The following THSD7A variants were observed in gnomAD, a reference collection of about 807,000 sequenced individuals.
THSD7A encodes the protein thrombospondin type 1 domain containing 7A, also known as thrombospondin type-1 domain-containing protein 7A.
In THSD7A, 96 loss-of-function variants were observed where a neutral mutation model predicts 231.3. That is an observed-to-expected ratio of 0.41 (90% CI 0.35 to 0.49). The LOEUF (loss-of-function observed/expected upper bound fraction) is 0.49, where lower values mean the gene tolerates loss of function less well. Among genes scored for constraint, THSD7A ranks in the 20% least tolerant of loss-of-function variants. The probability of loss-of-function intolerance (pLI) is 0.05; values close to 1 mark genes in which losing one functional copy is unlikely to be tolerated. For synonymous variants in THSD7A, 940 were observed against 743.3 expected (o/e 1.26, Z -4.30); for missense variants, 2,290 against 2,070.2 (o/e 1.11, Z -2.06).
intron 15 of THSD7A, 135 bp from the exon 16 acceptor site, chr7:11,424,964 T>C (rs1784271346): frequency 1.8e-6 from 2 of 1,094,990 alleles, no homozygotes; most frequent in East Asian, 2.6e-5. Flanking sequence ...TATTCTAACA[T>C]TGCAATAGAG....
intron 7 of THSD7A, among the ~76,000 whole-genome samples, chr7:11,478,019 A>G (rs1786265919): frequency 1.3e-5 from 2 of 152,196 alleles, no homozygotes; most frequent in Non-Finnish European, 2.9e-5. Flanking sequence ...AGAGTGTACT[A>G]GTTTTCTTTC....
chr7:11,452,688 C>A (rs1785183399), intron 11 of THSD7A, among the ~76,000 whole-genome samples: 1 of 151,836 alleles, frequency 6.6e-6, no homozygotes, highest in Non-Finnish European at 1.5e-5. Flanking sequence ...AATCACAGAC[C>A]CAGCACGGTG....
At chr7:11,518,518 A>T (rs1432583929) in intron 6 of THSD7A, among the ~76,000 whole-genome samples, 2 of 152,154 alleles carry the variant, frequency 1.3e-5, no homozygotes, top group South Asian at 4.1e-4. Context: ...CAGTGGATAC[A>T]TGTAGTAAAC....
chr7:11,744,793 A>G (rs2128162303), intron 1 of THSD7A, among the ~76,000 whole-genome samples: 1 of 152,184 alleles, frequency 6.6e-6, no homozygotes, highest in Middle Eastern at 3.4e-3. Context: ...ATGGCTGCAT[A>G]GTATTCCATG....
chr7:11,482,333 CTCTT>C (rs531109566), intron 6 of THSD7A, among the ~76,000 whole-genome samples: 97 of 152,270 alleles, frequency 6.4e-4, no homozygotes, highest in Middle Eastern at 3.4e-3. Flanking sequence ...AGCATGTCCC[CTCTT>C]TCTTTTTTGG....
At chr7:11,784,932 C>T (rs893492761) in intron 1 of THSD7A, among the ~76,000 whole-genome samples, 4 of 152,086 alleles carry the variant, frequency 2.6e-5, no homozygotes, top group Admixed American at 2.0e-4. Flanking sequence ...TAATTTATCA[C>T]CTTAGATAGG....
chr7:11,389,282 A>C (rs1032840561), intron 23 of THSD7A, among the ~76,000 whole-genome samples: 1 of 152,058 alleles, frequency 6.6e-6, no homozygotes, highest in Non-Finnish European at 1.5e-5. Context: ...GCGCTCCTGC[A>C]TTGGGTGCAT....
At chr7:11,713,777 T>C (rs1781042376) in intron 1 of THSD7A, among the ~76,000 whole-genome samples, 1 of 151,254 alleles carries the variant, frequency 6.6e-6, no homozygotes, top group African/African-American at 2.4e-5. Flanking sequence ...CTAGATGTTC[T>C]CTTGTCACTT....
intron 2 of THSD7A, among the ~76,000 whole-genome samples, chr7:11,604,884 G>A (rs530584256): frequency 6.6e-6 from 1 of 152,210 alleles, no homozygotes; most frequent in East Asian, 1.9e-4. Context: ...TGGCATATAT[G>A]CTTCTTAGAA....
At chr7:11,571,950 T>C (rs558477312) in intron 4 of THSD7A, among the ~76,000 whole-genome samples, 22 of 152,296 alleles carry the variant, frequency 1.4e-4, no homozygotes, top group Non-Finnish European at 2.4e-4. Flanking sequence ...TTTTTTTAAC[T>C]GAATTTGAGA....
At chr7:11,494,451 G>A (rs1190172509) in intron 6 of THSD7A, among the ~76,000 whole-genome samples, 1 of 151,922 alleles carries the variant, frequency 6.6e-6, no homozygotes, top group Non-Finnish European at 1.5e-5. Context: ...ATCAGCCTAT[G>A]ACTAAAGTTC....
At chr7:11,723,592 G>A (rs1781438008) in intron 1 of THSD7A, among the ~76,000 whole-genome samples, 4 of 151,902 alleles carry the variant, frequency 2.6e-5, no homozygotes, top group African/African-American at 9.7e-5. Flanking sequence ...TTCATATTAT[G>A]TATTTGTTGG....
intron 1 of THSD7A, among the ~76,000 whole-genome samples, chr7:11,707,068 T>C (rs1443943890): frequency 6.6e-6 from 1 of 150,828 alleles, no homozygotes; most frequent in African/African-American, 2.4e-5. Context: ...GGAATGAGTT[T>C]CCAAAATGAT....
intron 9 of THSD7A, among the ~76,000 whole-genome samples, chr7:11,466,535 T>C (rs922605649): frequency 3.9e-5 from 6 of 152,110 alleles, no homozygotes; most frequent in African/African-American, 1.4e-4. Context: ...CTTCTATCAC[T>C]CTCCAGTCTT....
chr7:11,390,898 C>T (rs1782954804), intron 23 of THSD7A, among the ~76,000 whole-genome samples: 1 of 152,218 alleles, frequency 6.6e-6, no homozygotes, highest in Non-Finnish European at 1.5e-5. Context: ...ACTCCAGACC[C>T]TATTTGCCTG....
At chr7:11,569,064 A>T (rs1790509355) in intron 4 of THSD7A, among the ~76,000 whole-genome samples, 1 of 152,058 alleles carries the variant, frequency 6.6e-6, no homozygotes, top group Non-Finnish European at 1.5e-5. Flanking sequence ...GAACTTAAAC[A>T]TAAGACCTGA....
chr7:11,565,892 C>A (rs926558746), intron 4 of THSD7A, among the ~76,000 whole-genome samples: 2 of 152,170 alleles, frequency 1.3e-5, no homozygotes, highest in African/African-American at 4.8e-5. Context: ...CAGTTGCCAA[C>A]TGAATTGGCA....
chr7:11,709,518 G>C (rs1246136573), intron 1 of THSD7A, among the ~76,000 whole-genome samples: 1 of 150,698 alleles, frequency 6.6e-6, no homozygotes, highest in Non-Finnish European at 1.5e-5. Context: ...GGAGATAATG[G>C]AAGGAACCAG....
intron 2 of THSD7A, among the ~76,000 whole-genome samples, chr7:11,614,837 T>C (rs922066927): frequency 1.3e-5 from 2 of 152,068 alleles, no homozygotes; most frequent in Admixed American, 1.3e-4. Flanking sequence ...AGAGAAAAAA[T>C]AAACATCAAG....
Sources: gnomAD v4.1 joint callset for allele counts (sites outside exome capture counted in the v4.1 genomes callset) on GRCh38, gnomAD v4.1.1 for gene constraint, MANE v1.5 for transcripts, NCBI Gene and HGNC (gene_info 2026-07-23, HGNC 2026-07-21) for gene names.